The following RBFOX3 variants were observed in gnomAD, a reference collection of about 807,000 sequenced individuals.
The protein encoded by RBFOX3 is RNA binding fox-1 homolog 3.
A neutral mutation model predicts 48.7 loss-of-function variants in RBFOX3; 17 were observed. The observed-to-expected ratio is 0.35, with a 90% CI of 0.24 to 0.52. The LOEUF is 0.52. RBFOX3 is among the 20% of genes least tolerant of loss of function. RBFOX3 has a pLI of 0.94. For missense variants in RBFOX3, 382 were observed against 497.5 expected (o/e 0.77, Z 2.21); for synonymous variants, 212 against 209.5 (o/e 1.01, Z -0.10).
At chr17:79,150,879 G>A (rs866491306) in intron 4 of RBFOX3, among the ~76,000 whole-genome samples, 1 of 152,222 alleles carries the variant, frequency 6.6e-6, no homozygotes, top group South Asian at 2.1e-4. Flanking sequence ...CGCAATGGGA[G>A]GACGAGGGCT....
At chr17:79,225,002 T>C (rs1374121871) in intron 4 of RBFOX3, among the ~76,000 whole-genome samples, 1 of 152,240 alleles carries the variant, frequency 6.6e-6, no homozygotes, top group African/African-American at 2.4e-5. Context: ...GTGAAAGGCA[T>C]GACTAGCATA....
intron 1 of RBFOX3, among the ~76,000 whole-genome samples, chr17:79,524,407 A>C (rs1195815390): frequency 2.0e-5 from 3 of 152,172 alleles, no homozygotes; most frequent in Non-Finnish European, 4.4e-5. Flanking sequence ...TCTCTTCGGC[A>C]ACCTCCCAAT....
At chr17:79,568,227 A>G (rs1415472972) in intron 1 of RBFOX3, among the ~76,000 whole-genome samples, 7 of 152,172 alleles carry the variant, frequency 4.6e-5, no homozygotes, top group Admixed American at 3.9e-4. Context: ...AAGCAACACT[A>G]TGCTGTAAAC....
chr17:79,477,458 A>C lies in RBFOX3; in HGVS notation c.-175+4996T>G, dbSNP rs1208639741. 6.6e-6 allele frequency among the ~76,000 whole-genome samples: 1 copy of C among 151,958 alleles called. No homozygotes were observed. Among genetic ancestry groups the C allele is most frequent in the Non-Finnish European group, 1.5e-5 (1 of 67,946 alleles). ...GTAGTCCCAGCTACTTGGGAGGCTG[A>C]GGCAGGAGAATGGCGTGAACCCGGG... is the stretch of plus-strand genomic sequence containing the variant. On this transcript the variant is annotated intron_variant, in intron 2 of 14. Transcript: ENST00000693108. The surrounding 1 kb of genome is among the most constrained non-coding windows in gnomAD (Gnocchi z 4.8).
Position 79,224,339 on chromosome 17 carries a change from C to T in RBFOX3, c.-34+11427G>A, listed in dbSNP as rs912979962. On this transcript the variant is annotated intron_variant, in intron 4 of 14. Coordinates refer to ENST00000693108, the MANE Select transcript of RBFOX3 (RefSeq NM_001350451.2). ...CAGACTCTCCTCATTGATCTTAGTT[C>T]CGCCATCTGAGGCCACAGGCATTGT... 1.4e-4 allele frequency among the ~76,000 whole-genome samples: 21 copies of T among 152,314 alleles called. 1 individual carries two copies. Among genetic ancestry groups the T allele is most frequent in the African/African-American group, 5.1e-4 (21 of 41,578 alleles).
At chr17:79,394,166 G>A (rs113685315) in intron 2 of RBFOX3, among the ~76,000 whole-genome samples, 21,831 of 152,132 alleles carry the variant, frequency 0.14, 1,502 homozygotes, top group Middle Eastern at 0.2. Flanking sequence ...CATCTGAATC[G>A]GTCATCACAC....
chr17:79,091,699 A>G (rs1286401117), intron 14 of RBFOX3, among the ~76,000 whole-genome samples: 1 of 152,176 alleles, frequency 6.6e-6, no homozygotes, highest in Non-Finnish European at 1.5e-5. Flanking sequence ...TCCTTCCGGA[A>G]TATACCCCAA....
intron 1 of RBFOX3, among the ~76,000 whole-genome samples, chr17:79,552,270 C>T (rs1235646942): frequency 1.3e-5 from 2 of 152,098 alleles, no homozygotes; most frequent in Non-Finnish European, 2.9e-5. Context: ...GGCCTGTATG[C>T]TATGGAAAAT....
chr17:79,340,132 C>T (rs2081831223), intron 2 of RBFOX3, among the ~76,000 whole-genome samples: 1 of 152,062 alleles, frequency 6.6e-6, no homozygotes, highest in Admixed American at 6.6e-5. Context: ...AACCCTGTCC[C>T]TACTAAAAAT....
chr17:79,348,136 G>A lies in RBFOX3; in HGVS notation c.-174-40312C>T, dbSNP rs538472034. Reference sequence around the variant, plus strand: ...GAGGGACCTCCCCAAGCCTGAAATAGTGCAGTCTCCTGGTCGTCTGCAGAA... The same window carrying A: ...GAGGGACCTCCCCAAGCCTGAAATAATGCAGTCTCCTGGTCGTCTGCAGAA... On this transcript the variant is annotated intron_variant, in intron 2 of 14. Transcript: ENST00000693108. 1.1e-3 allele frequency among the ~76,000 whole-genome samples: 175 copies of A among 152,324 alleles called. 1 individual carries two copies. The highest frequency in any genetic ancestry group is 2.1e-3 in the Non-Finnish European group (145 of 68,040).
At chr17:79,106,938 C>G in intron 5 of RBFOX3, 150 bp from the exon 6 acceptor site, 1 of 1,081,096 alleles carries the variant, frequency 9.2e-7, no homozygotes, top group Non-Finnish European at 1.3e-6. Context: ...TTGGCAGAAT[C>G]TGGGCAGACG....
In RBFOX3 at chr17:79,433,727, G is replaced by C. The variant is rs2068889934; in HGVS notation, c.-175+48727C>G. 2.0e-5 allele frequency among the ~76,000 whole-genome samples: 3 copies of C among 151,652 alleles called. No homozygotes were observed. The South Asian group carries it at 6.2e-4, about 32-fold the overall frequency. On this transcript the variant is annotated intron_variant, in intron 2 of 14. Coordinates refer to ENST00000693108, the MANE Select transcript of RBFOX3 (RefSeq NM_001350451.2). ...CCACACTGACCTGCAGACCCCACGA[G>C]CAAGGTGCGGTTGCTTCTTGACATT...
chr17:79,138,733 G>GTTCACACCCTCACCCACACATGCA (rs1568206699), intron 4 of RBFOX3, among the ~76,000 whole-genome samples: 1 of 2,978 alleles, frequency 3.4e-4, no homozygotes, highest in African/African-American at 8.8e-4. Flanking sequence ...ACACACGCAT[G>GTTCACACCCTCACCCACACATGCA]CACACAGCAC....
At chr17:79,449,699 C>T (rs138783494) in intron 2 of RBFOX3, among the ~76,000 whole-genome samples, 60 of 150,570 alleles carry the variant, frequency 4.0e-4, no homozygotes, top group African/African-American at 1.2e-3. Context: ...TGCTGGTGGA[C>T]GTTACATTCC....
intron 1 of RBFOX3, among the ~76,000 whole-genome samples, chr17:79,560,931 C>T (rs1169083225): frequency 3.9e-5 from 6 of 152,198 alleles, no homozygotes; most frequent in African/African-American, 1.4e-4. Flanking sequence ...GATTCAATAA[C>T]TTGTCCAAGA....
At chr17:79,656,819 A>AAG in the RBFOX3 span, among the ~76,000 whole-genome samples, 1 of 131,254 alleles carries the variant, frequency 7.6e-6, no homozygotes, top group Non-Finnish European at 1.6e-5. Context: ...AAGAAAGAGA[A>AAG]AGAAAGAAAG....
At chr17:79,131,094 T>TGCCCCGTGTGTGCACATGTGC (rs990403203) in intron 4 of RBFOX3, among the ~76,000 whole-genome samples, 1 of 151,698 alleles carries the variant, frequency 6.6e-6, no homozygotes, top group African/African-American at 2.4e-5. Context: ...GTGTGCTGTG[T>TGCCCCGTGTGTGCACATGTGC]GCCCCGTGTG....
At chr17:79,397,669 C>A (rs189856175) in intron 2 of RBFOX3, among the ~76,000 whole-genome samples, 1 of 152,308 alleles carries the variant, frequency 6.6e-6, no homozygotes, top group Admixed American at 6.5e-5. Context: ...TCACTGACAT[C>A]TTTTCCTTTA....
intron 9 of RBFOX3, 44 bp from the exon 10 acceptor site, chr17:79,097,789 C>T (rs1247668024): frequency 6.5e-7 from 1 of 1,542,782 alleles, no homozygotes; most frequent in Non-Finnish European, 8.8e-7. Flanking sequence ...TTCCCCGACC[C>T]TTTTCCCACC....
Sources: allele counts gnomAD v4.1 joint callset (sites outside exome capture counted in the v4.1 genomes callset), GRCh38; gene constraint gnomAD v4.1.1; non-coding constraint Gnocchi (gnomAD v3.1); transcripts MANE v1.5; gene names NCBI Gene and HGNC (gene_info 2026-07-23, HGNC 2026-07-21).